Variants in CDC42BPA observed in about 807,000 individuals in gnomAD.
The protein encoded by CDC42BPA is serine/threonine-protein kinase MRCK alpha.
Under a neutral mutation model 223.5 loss-of-function variants are expected in CDC42BPA, and 80 were observed. The observed-to-expected ratio is 0.36, with a 90% CI of 0.30 to 0.43. CDC42BPA has a LOEUF of 0.43. CDC42BPA is among the 20% of genes least tolerant of loss of function. The probability of loss-of-function intolerance (pLI) is 1.00; values close to 1 mark genes in which losing one functional copy is unlikely to be tolerated. For synonymous variants in CDC42BPA, 694 were observed against 718.6 expected, an observed-to-expected ratio of 0.97 and a Z score of 0.55; for missense variants, 1,743 against 2,099.9, an observed-to-expected ratio of 0.83 and a Z score of 3.32.
rs1191206528 is a variant in CDC42BPA, at chr1:226,990,511, CCT to C, written c.*3755_*3756del. 1 of 152,236 alleles carries C rather than the reference CCT, an allele frequency of 6.6e-6. No individual in the cohort carries two copies. The highest frequency in any genetic ancestry group is 1.9e-4 in the East Asian group (1 of 5,196). The allele number at this position is 152,236 out of a possible 1,614,324, so 9.4% of individuals were successfully genotyped here. A position where few individuals can be genotyped will look rare whatever the true frequency, so the allele number is the denominator to read the frequency against. On this transcript the variant is annotated 3_prime_UTR_variant, in exon 37 of 37. Transcript: ENST00000366766. Reference sequence around the variant, plus strand: ...GGGGAGTGGAGTGCCCAATTCATTCCCTGTTGTGCTCACCAGACATGGGCTAC... The same window carrying C: ...GGGGAGTGGAGTGCCCAATTCATTCCGTTGTGCTCACCAGACATGGGCTAC...
rs1460837657 is a variant in CDC42BPA, at chr1:227,051,973, C to T, written c.2917G>A (p.Glu973Lys). The change falls in exon 22 of 37, where the codon GAG becomes AAG. Residue 973 changes from glutamate to lysine, a missense_variant. Transcript: ENST00000366766. The stretch of plus-strand genomic sequence containing the variant: ...CTCGGGTTCCATACATATGTGTTCT[C>T]AACGGGATCAGTCTAGGAAAATAAG... The part of the protein sequence containing the change: ...ALDQFETDPV[E>K]NTYVWNPSVK... The T allele has an allele frequency of 2.2e-6, 3 of 1,365,776 alleles. No individual in the cohort carries two copies. Among genetic ancestry groups the T allele is most frequent in the East Asian group, 4.5e-5 (1 of 21,986 alleles). 84.6% of individuals were successfully genotyped at this position (1,365,776 alleles called of 1,614,324 possible). A position where few individuals can be genotyped will look rare whatever the true frequency, so the allele number is the denominator to read the frequency against.
At chr1:227,218,586 A>C (rs1675286707) in intron 2 of CDC42BPA, among the ~76,000 whole-genome samples, 1 of 152,166 alleles carries the variant, frequency 6.6e-6, no homozygotes, top group Admixed American at 6.5e-5. Flanking sequence ...ATAGTGACAA[A>C]ATTAATAAGT....
In CDC42BPA at chr1:227,133,234, G is replaced by A. The variant is rs1442716369; in HGVS notation, c.1391-4003C>T. 3.3e-5 allele frequency among the ~76,000 whole-genome samples: 5 copies of A among 150,188 alleles called. 1 individual carries two copies. The highest frequency in any genetic ancestry group is 7.3e-3 in the Middle Eastern group (2 of 274). On this transcript the variant is annotated intron_variant, in intron 10 of 36. Transcript: ENST00000366766. ...AGGTGGGGGGGTCAGCCCCCCGCCC[G>A]GCCAGCTGCCCCGTCTGGGAGGTGA... is the stretch of plus-strand genomic sequence containing the variant.
intron 2 of CDC42BPA, among the ~76,000 whole-genome samples, chr1:227,251,200 A>AAT (rs1451086432): frequency 6.6e-6 from 1 of 152,154 alleles, no homozygotes; most frequent in Non-Finnish European, 1.5e-5. Flanking sequence ...TGGGGTTTCA[A>AAT]ATATAAATGG....
intron 2 of CDC42BPA, among the ~76,000 whole-genome samples, chr1:227,216,086 T>G (rs1159099712): frequency 6.6e-6 from 1 of 151,984 alleles, no homozygotes; most frequent in Non-Finnish European, 1.5e-5. Context: ...CAAATAAGTT[T>G]ATTAAAGTAT....
chr1:227,105,909 T>A (rs1254746830), intron 14 of CDC42BPA, among the ~76,000 whole-genome samples: 1 of 152,190 alleles, frequency 6.6e-6, no homozygotes, highest in Non-Finnish European at 1.5e-5. Context: ...AACACTTGTG[T>A]AAAGCATCTA....
intron 2 of CDC42BPA, among the ~76,000 whole-genome samples, chr1:227,233,999 T>A (rs1425554804): frequency 6.6e-6 from 1 of 151,030 alleles, no homozygotes; most frequent in Non-Finnish European, 1.5e-5. Flanking sequence ...CATGTAGAAT[T>A]CTCTATTTAT....
intron 2 of CDC42BPA, among the ~76,000 whole-genome samples, chr1:227,216,100 C>T (rs1219754206): frequency 1.3e-5 from 2 of 150,024 alleles, no homozygotes; most frequent in African/African-American, 4.9e-5. Context: ...AAAGTATGTA[C>T]ACTGTGACTT....
chr1:227,143,755 AAAAC>A (rs1660141118), intron 8 of CDC42BPA, among the ~76,000 whole-genome samples: 1 of 152,244 alleles, frequency 6.6e-6, no homozygotes, highest in Non-Finnish European at 1.5e-5. Flanking sequence ...AAGCACACAT[AAAAC>A]AAGACTATAT....
At chr1:227,085,266 C>G (rs912509347) in intron 16 of CDC42BPA, among the ~76,000 whole-genome samples, 1 of 152,178 alleles carries the variant, frequency 6.6e-6, no homozygotes, top group Non-Finnish European at 1.5e-5. Flanking sequence ...CAACCATGTT[C>G]TAAGTCAAGG....
At chr1:227,133,996 T>TAAATAAATAAATAAAA (rs1167807097) in intron 10 of CDC42BPA, among the ~76,000 whole-genome samples, 9 of 151,682 alleles carry the variant, frequency 5.9e-5, no homozygotes, top group African/African-American at 1.2e-4. Context: ...AATAAATAAA[T>TAAATAAATAAATAAAA]AAAAAAGAAA....
chr1:227,060,338 G>A (rs1675622487), intron 21 of CDC42BPA, among the ~76,000 whole-genome samples: 1 of 152,140 alleles, frequency 6.6e-6, no homozygotes, highest in Non-Finnish European at 1.5e-5. Context: ...TCACTAATAT[G>A]AACCATATCT....
intron 2 of CDC42BPA, among the ~76,000 whole-genome samples, chr1:227,224,834 T>C (rs1676565806): frequency 6.6e-6 from 1 of 152,188 alleles, no homozygotes; most frequent in South Asian, 2.1e-4. Context: ...GTGAAAGCAT[T>C]AGGTACAAAA....
intron 1 of CDC42BPA, among the ~76,000 whole-genome samples, chr1:227,315,485 A>C (rs1294494665): frequency 6.6e-6 from 1 of 152,052 alleles, no homozygotes; most frequent in African/African-American, 2.4e-5. Flanking sequence ...AAAGAATACT[A>C]AATGACAAAA....
chr1:227,117,788 G>T (rs780317474), intron 12 of CDC42BPA, among the ~76,000 whole-genome samples: 1 of 150,916 alleles, frequency 6.6e-6, no homozygotes, highest in Non-Finnish European at 1.5e-5. Flanking sequence ...GATAAATCTG[G>T]CCACAACAAA....
At chr1:227,034,581 C>T in intron 26 of CDC42BPA, 74 bp downstream of exon 26, 2 of 1,387,618 alleles carry the variant, frequency 1.4e-6, no homozygotes, top group Non-Finnish European at 2.0e-6. Context: ...CATGGCAACA[C>T]AATTTTTGAA....
intron 35 of CDC42BPA, among the ~76,000 whole-genome samples, chr1:226,996,766 G>A (rs1414680990): frequency 1.3e-5 from 2 of 152,204 alleles, no homozygotes; most frequent in Admixed American, 6.5e-5. Context: ...TACGTTTATT[G>A]ACTTGCGTAT....
intron 3 of CDC42BPA, among the ~76,000 whole-genome samples, chr1:227,209,416 G>A (rs1673453596): frequency 7.1e-6 from 1 of 141,782 alleles, no homozygotes; most frequent in East Asian, 2.1e-4. Flanking sequence ...GGTGAGAGAG[G>A]GCATCCCTGT....
At chr1:227,070,452 C>T (rs914927068) in intron 20 of CDC42BPA, among the ~76,000 whole-genome samples, 1 of 151,642 alleles carries the variant, frequency 6.6e-6, no homozygotes, top group African/African-American at 2.4e-5. Flanking sequence ...GCACAATTTC[C>T]CAAGTAATTC....
Sources: allele counts gnomAD v4.1 joint callset (sites outside exome capture counted in the v4.1 genomes callset), GRCh38; gene constraint gnomAD v4.1.1; transcripts MANE v1.5; gene names NCBI Gene and HGNC (gene_info 2026-07-23, HGNC 2026-07-21).